Variants in ABTB2 observed in about 807,000 individuals in gnomAD.
The protein encoded by ABTB2 is ankyrin repeat and BTB/POZ domain-containing protein 2.
A neutral mutation model predicts 104.1 loss-of-function variants in ABTB2; 56 were observed. That is an observed-to-expected ratio of 0.54 (90% confidence interval 0.43 to 0.67). The LOEUF (loss-of-function observed/expected upper bound fraction) is 0.67, where lower values mean the gene tolerates loss of function less well. ABTB2 is among the 30% of genes least tolerant of loss of function. The pLI, the probability that ABTB2 is intolerant of heterozygous loss-of-function variation, is 0.00. For missense variants in ABTB2, 1,279 were observed against 1,407.7 expected (o/e 0.91, Z 1.46); for synonymous variants, 606 against 608.2 (o/e 1.00, Z 0.05).
At chr11:34,286,325 C>T (rs1421962035) in intron 1 of ABTB2, among the ~76,000 whole-genome samples, 1 of 152,054 alleles carries the variant, frequency 6.6e-6, no homozygotes, top group Non-Finnish European at 1.5e-5. Context: ...CGGAGTCTTG[C>T]TCTGTTACCC....
chr11:34,336,253 C>T (rs532878886), intron 1 of ABTB2, among the ~76,000 whole-genome samples: 4 of 152,298 alleles, frequency 2.6e-5, no homozygotes, highest in East Asian at 3.9e-4. Flanking sequence ...TTCTGAGAAG[C>T]ATTGTTTACA....
intron 1 of ABTB2, among the ~76,000 whole-genome samples, chr11:34,297,807 A>C (rs11032603): frequency 1.1e-3 from 159 of 151,172 alleles, no homozygotes; most frequent in Non-Finnish European, 1.9e-3. Context: ...AAAGAAAAAG[A>C]AAAAAACAAA....
intron 4 of ABTB2, among the ~76,000 whole-genome samples, chr11:34,172,734 A>T: frequency 1.3e-5 from 2 of 152,214 alleles, no homozygotes; most frequent in African/African-American, 4.8e-5. Context: ...TGCACTTGTC[A>T]TGAGGACTAA....
chr11:34,154,850 C>A lies in ABTB2; in HGVS notation c.2698-81G>T, dbSNP rs1254535459. On this transcript the variant is annotated intron_variant, in intron 14 of 16. Coordinates refer to ENST00000435224, the MANE Select transcript of ABTB2 (RefSeq NM_145804.3). This position sits in a 1 kb window ranked among gnomAD's most constrained non-coding sequence, Gnocchi z 4.9. ...TTGCCAGCCCCACAGGGTACTGCTC[C>A]AGCTGCCGCCTCCAGGGGCCTGTCC... The A allele has an allele frequency of 4.3e-6, 6 of 1,398,910 alleles. No individual in the cohort carries two copies. The highest frequency in any genetic ancestry group is 5.0e-6 in the Non-Finnish European group (5 of 994,432). 86.7% of individuals were successfully genotyped at this position (1,398,910 alleles called of 1,614,324 possible). A position where few individuals can be genotyped will look rare whatever the true frequency, so the allele number is the denominator to read the frequency against.
chr11:34,155,049 G>C (rs1852603642), intron 14 of ABTB2, among the ~76,000 whole-genome samples: 1 of 152,258 alleles, frequency 6.6e-6, no homozygotes, highest in South Asian at 2.1e-4. Context: ...GAGCCCAGGA[G>C]GGAAGTTCCT....
At chr11:34,236,991 T>TA (rs1299550094) in intron 1 of ABTB2, among the ~76,000 whole-genome samples, 1 of 152,142 alleles carries the variant, frequency 6.6e-6, no homozygotes, top group Non-Finnish European at 1.5e-5. Context: ...ATTTAAACTG[T>TA]ACAAGGGAAG....
intron 1 of ABTB2, among the ~76,000 whole-genome samples, chr11:34,343,976 C>A (rs1855297784): frequency 6.6e-6 from 1 of 152,238 alleles, no homozygotes; most frequent in South Asian, 2.1e-4. Context: ...AGGCTTTGCA[C>A]CCTGCCCCTC....
intron 1 of ABTB2, among the ~76,000 whole-genome samples, chr11:34,288,037 G>A (rs886695343): frequency 4.0e-5 from 6 of 151,882 alleles, no homozygotes; most frequent in African/African-American, 9.7e-5. Context: ...GGCTGGGGGT[G>A]GTATGTTGAA....
intron 3 of ABTB2, among the ~76,000 whole-genome samples, chr11:34,175,520 C>CAT (rs372166226): frequency 3.9e-5 from 6 of 152,354 alleles, no homozygotes; most frequent in African/African-American, 1.4e-4. Flanking sequence ...CTACTAAATG[C>CAT]ATATCGCTTT....
At position 34,152,036 on chromosome 11, in the gene ABTB2, G is replaced by A. The variant is rs934978485; in HGVS notation, c.*351C>T. On this transcript the variant is annotated 3_prime_UTR_variant, in exon 17 of 17. Coordinates refer to ENST00000435224, the MANE Select transcript of ABTB2 (RefSeq NM_145804.3). ...GGTCTGAGTTTACTGAGGCCCTAGG[G>A]GTGAGTAGAGCTTGGAGGGCCTGGG... is the stretch of plus-strand genomic sequence containing the variant. The A allele has an allele frequency of 3.1e-6, 1 of 326,768 alleles. No homozygotes were observed. Among genetic ancestry groups the A allele is most frequent in the Admixed American group, 4.4e-5 (1 of 22,724 alleles). 20.2% of individuals were successfully genotyped at this position (326,768 alleles called of 1,614,324 possible).
chr11:34,214,556 TAAAG>T (rs1853526979), intron 1 of ABTB2, among the ~76,000 whole-genome samples: 1 of 103,076 alleles, frequency 9.7e-6, no homozygotes, highest in Admixed American at 1.2e-4. Context: ...TTTTTTTTTT[TAAAG>T]TCAGGTTCTT....
intron 1 of ABTB2, among the ~76,000 whole-genome samples, chr11:34,346,759 G>A (rs1855337220): frequency 6.6e-6 from 1 of 152,188 alleles, no homozygotes; most frequent in African/African-American, 2.4e-5. Flanking sequence ...ATTCATGCCA[G>A]GTCACAGACG....
In ABTB2 at chr11:34,229,429, A is replaced by C. The variant is rs371337178; in HGVS notation, c.884-24739T>G. Among the ~76,000 whole-genome samples, 33 of 150,378 alleles carry C rather than the reference A, an allele frequency of 2.2e-4. No individual in the cohort carries two copies. The East Asian group carries it at 3.6e-3, about 16-fold the overall frequency. On this transcript the variant is annotated intron_variant, in intron 1 of 16. Transcript: ENST00000435224. ...CCGGGAGGTGGAGCTTGCAGTGAGC[A>C]GAGATCGCACCACTGCACTCCAGCC...
chr11:34,306,529 G>A (rs575477552), intron 1 of ABTB2, among the ~76,000 whole-genome samples: 21 of 152,204 alleles, frequency 1.4e-4, no homozygotes, highest in Admixed American at 1.2e-3. Flanking sequence ...TTACAGGCGT[G>A]AGCCACTGCG....
At chr11:34,223,603 T>C (rs551743327) in intron 1 of ABTB2, among the ~76,000 whole-genome samples, 1 of 152,360 alleles carries the variant, frequency 6.6e-6, no homozygotes, top group South Asian at 2.1e-4. Flanking sequence ...CTCTGGGAAC[T>C]GTCACCCCTG....
chr11:34,230,326 C>T (rs537476333), intron 1 of ABTB2, among the ~76,000 whole-genome samples: 34 of 152,248 alleles, frequency 2.2e-4, no homozygotes, highest in Middle Eastern at 3.4e-3. Context: ...GCAGTCAGCT[C>T]AGTGAGGGAG....
At chr11:34,184,745 C>T (rs914212737) in intron 3 of ABTB2, among the ~76,000 whole-genome samples, 4 of 152,254 alleles carry the variant, frequency 2.6e-5, no homozygotes, top group Admixed American at 6.5e-5. Context: ...GTGTGAAAGC[C>T]GGCATCTCTC....
intron 1 of ABTB2, among the ~76,000 whole-genome samples, chr11:34,255,830 AT>A (rs140343114): frequency 1.6e-4 from 25 of 152,042 alleles, no homozygotes; most frequent in Non-Finnish European, 2.6e-4. Context: ...AATTAAATAC[AT>A]TTTTTTTCCC....
chr11:34,243,191 C>T (rs1201451171), intron 1 of ABTB2, among the ~76,000 whole-genome samples: 6 of 152,170 alleles, frequency 3.9e-5, no homozygotes, highest in Non-Finnish European at 8.8e-5. Flanking sequence ...CACTGACCAG[C>T]AAAGAGACGT....
Sources: gnomAD v4.1 joint callset for allele counts (sites outside exome capture counted in the v4.1 genomes callset) on GRCh38, gnomAD v4.1.1 for gene constraint, Gnocchi (gnomAD v3.1) non-coding constraint, MANE v1.5 for transcripts, NCBI Gene and HGNC (gene_info 2026-07-23, HGNC 2026-07-21) for gene names.